GRID2: variants seen among roughly 807,000 people sequenced by gnomAD.
GRID2 encodes the protein glutamate receptor ionotropic, delta-2.
A neutral mutation model predicts 114.8 loss-of-function variants in GRID2; 33 were observed. That is an observed-to-expected ratio of 0.29 (90% CI 0.22 to 0.38). GRID2 has a LOEUF of 0.38. GRID2 is among the 10% of genes least tolerant of loss of function. The pLI is 1.00. For synonymous variants in GRID2, 505 were observed against 449.9 expected, an observed-to-expected ratio of 1.12 and a Z score of -1.55; for missense variants, 1,184 against 1,257.7, an observed-to-expected ratio of 0.94 and a Z score of 0.89.
intron 8 of GRID2, among the ~76,000 whole-genome samples, chr4:93,360,827 T>G (rs2149274473): frequency 6.6e-6 from 1 of 151,992 alleles, no homozygotes; most frequent in African/African-American, 2.4e-5. Flanking sequence ...ATTAGTGCCA[T>G]TTTAAATTTT....
chr4:93,428,144 T>A (rs897277180), intron 10 of GRID2, among the ~76,000 whole-genome samples: 8 of 152,090 alleles, frequency 5.3e-5, no homozygotes, highest in Non-Finnish European at 1.0e-4. Context: ...GTGGAGTATT[T>A]AGGGGTATTA....
intron 13 of GRID2, among the ~76,000 whole-genome samples, chr4:93,563,226 C>T (rs1411734570): frequency 2.0e-5 from 3 of 151,956 alleles, no homozygotes; most frequent in Non-Finnish European, 4.4e-5. Flanking sequence ...ATTTATATCC[C>T]TATCTGTCTA....
chr4:92,791,223 T>C (rs1407525701), intron 2 of GRID2, among the ~76,000 whole-genome samples: 1 of 151,822 alleles, frequency 6.6e-6, no homozygotes, highest in Non-Finnish European at 1.5e-5. Context: ...GGTAAGTTTA[T>C]GGACTGTGGA....
intron 1 of GRID2, among the ~76,000 whole-genome samples, chr4:92,542,294 A>G (rs1726004718): frequency 6.6e-6 from 1 of 151,990 alleles, no homozygotes; most frequent in South Asian, 2.1e-4. Flanking sequence ...GCCTAGGTGG[A>G]GGAAAAAGAA....
intron 13 of GRID2, among the ~76,000 whole-genome samples, chr4:93,530,546 G>A (rs971431125): frequency 8.6e-5 from 13 of 151,944 alleles, no homozygotes; most frequent in South Asian, 2.1e-4. Context: ...CTGTCTATTC[G>A]TTCTTCATTT....
At chr4:93,750,711 G>A (rs917984696) in intron 14 of GRID2, among the ~76,000 whole-genome samples, 5 of 151,760 alleles carry the variant, frequency 3.3e-5, no homozygotes, top group Non-Finnish European at 7.4e-5. Context: ...AGCTGGGATC[G>A]CGCCACTACA....
chr4:93,752,014 C>T (rs964640177), intron 14 of GRID2, among the ~76,000 whole-genome samples: 5 of 151,792 alleles, frequency 3.3e-5, no homozygotes, highest in African/African-American at 1.2e-4. Flanking sequence ...GGCACTTGAC[C>T]TTAGGCAGCA....
At chr4:92,536,257 T>G (rs1254274835) in intron 1 of GRID2, among the ~76,000 whole-genome samples, 2 of 152,096 alleles carry the variant, frequency 1.3e-5, no homozygotes, top group African/African-American at 4.8e-5. Context: ...GACAGAAAAG[T>G]TCTCCAAGTC....
chr4:92,625,679 G>C (rs1203951605), intron 2 of GRID2, among the ~76,000 whole-genome samples: 1 of 151,700 alleles, frequency 6.6e-6, no homozygotes, highest in East Asian at 1.9e-4. Flanking sequence ...GTTACCTCAG[G>C]AGTCTATTGT....
At chr4:93,467,085 A>T in intron 11 of GRID2, among the ~76,000 whole-genome samples, 1 of 152,200 alleles carries the variant, frequency 6.6e-6, no homozygotes, top group East Asian at 1.9e-4. Context: ...GCCGGATCTG[A>T]AAACAAATTC....
At chr4:92,429,027 C>T (rs1411024658) in intron 1 of GRID2, among the ~76,000 whole-genome samples, 1 of 152,084 alleles carries the variant, frequency 6.6e-6, no homozygotes, top group Non-Finnish European at 1.5e-5. Context: ...CTCCACCCCC[C>T]GACAGGCCCC....
At chr4:92,476,526 GA>G (rs1722322285) in intron 1 of GRID2, among the ~76,000 whole-genome samples, 1 of 152,076 alleles carries the variant, frequency 6.6e-6, no homozygotes. Flanking sequence ...TTTGAGTAAA[GA>G]TGTTATATGA....
chr4:93,076,318 T>C (rs536135773), intron 2 of GRID2, among the ~76,000 whole-genome samples: 5 of 152,182 alleles, frequency 3.3e-5, no homozygotes, highest in Non-Finnish European at 5.9e-5. Context: ...CATGAAAATG[T>C]AAATCAGTGT....
chr4:93,229,159 T>A (rs6828444), intron 7 of GRID2, among the ~76,000 whole-genome samples: 135 of 151,660 alleles, frequency 8.9e-4, no homozygotes, highest in South Asian at 2.7e-3. Flanking sequence ...AATGGATTTT[T>A]AGAAAAAAAA....
intron 2 of GRID2, among the ~76,000 whole-genome samples, chr4:92,634,602 TTAAA>T (rs762069181): frequency 6.6e-6 from 1 of 152,104 alleles, no homozygotes; most frequent in African/African-American, 2.4e-5. Context: ...AAATCATTAC[TTAAA>T]TAAATACCAA....
chr4:93,403,498 T>C (rs1766106894), intron 9 of GRID2, among the ~76,000 whole-genome samples: 1 of 152,030 alleles, frequency 6.6e-6, no homozygotes, highest in African/African-American at 2.4e-5. Flanking sequence ...ATTTAGCATA[T>C]ACAAAAATAT....
Position 92,596,397 on chromosome 4 carries a change from G to A in GRID2, c.244+6111G>A, listed in dbSNP as rs139681519. Among the ~76,000 whole-genome samples, 848 of 152,132 alleles carry A rather than the reference G, an allele frequency of 5.6e-3. 6 individuals are homozygous for A. The highest frequency in any genetic ancestry group is 0.01 in the Middle Eastern group (3 of 294). ...TGTGAATTAGTGGAAGGAGCAAATC[G>A]TGTTGTTGAACAGCCATCTCCAAAC... On this transcript the variant is annotated intron_variant, in intron 2 of 15. Transcript: ENST00000282020.
chr4:93,001,301 TA>T (rs1232063342), intron 2 of GRID2, among the ~76,000 whole-genome samples: 1 of 151,636 alleles, frequency 6.6e-6, no homozygotes. Flanking sequence ...ACAATCACAG[TA>T]AACTTCATTT....
intron 2 of GRID2, among the ~76,000 whole-genome samples, chr4:93,024,883 A>G (rs1389300123): frequency 2.0e-5 from 3 of 151,894 alleles, no homozygotes; most frequent in East Asian, 3.9e-4. Flanking sequence ...TTTTAATGCA[A>G]CAAGGAGGAA....
Sources: gnomAD v4.1 joint callset for allele counts (sites outside exome capture counted in the v4.1 genomes callset) on GRCh38, gnomAD v4.1.1 for gene constraint, MANE v1.5 for transcripts, NCBI Gene and HGNC (gene_info 2026-07-23, HGNC 2026-07-21) for gene names.